Variants in NOTCH2 observed in about 807,000 individuals in gnomAD.
The protein encoded by NOTCH2 is neurogenic locus notch homolog protein 2.
In NOTCH2, 29 loss-of-function variants were observed where a neutral mutation model predicts 235.8. The ratio of observed to expected loss-of-function variants is 0.12; its 90% CI spans 0.09 to 0.17. The LOEUF is 0.17. Among genes scored for constraint, NOTCH2 ranks in the 10% least tolerant of loss-of-function variants. The pLI is 1.00. For synonymous variants in NOTCH2, 1,086 were observed against 1,141.5 expected, an observed-to-expected ratio of 0.95 and a Z score of 0.98; for missense variants, 2,285 against 3,150.2, an observed-to-expected ratio of 0.73 and a Z score of 6.57.
intron 15 of NOTCH2, 67 bp downstream of exon 15, chr1:119,950,657 G>T (rs1553197671): frequency 3.1e-6 from 3 of 979,870 alleles, no homozygotes; most frequent in African/African-American, 1.6e-5. Context: ...TGGGCACTGA[G>T]ACTCAGGCAC....
intron 4 of NOTCH2, among the ~76,000 whole-genome samples, chr1:119,988,640 C>A (rs1652110872): frequency 6.6e-6 from 1 of 152,098 alleles, no homozygotes; most frequent in South Asian, 2.1e-4. Flanking sequence ...TGCCCCTAGT[C>A]TGGTGCTCTT....
At chr1:119,996,525 G>A (rs1652457482) in intron 4 of NOTCH2, 1 of 628,334 alleles carries the variant, frequency 1.6e-6, no homozygotes, top group East Asian at 2.7e-5. Context: ...AGGGCAGCTG[G>A]GTGCATTTAG....
At chr1:119,923,572 G>C (rs1649360092) in intron 26 of NOTCH2, 65 bp downstream of exon 26, 1 of 1,340,726 alleles carries the variant, frequency 7.5e-7, no homozygotes, top group East Asian at 2.3e-5. Flanking sequence ...GTTATGACTT[G>C]TGCTATATGT....
intron 2 of NOTCH2, among the ~76,000 whole-genome samples, chr1:120,014,382 G>T (rs1653339152): frequency 6.6e-6 from 1 of 152,238 alleles, no homozygotes. Flanking sequence ...AGACAACACG[G>T]GCAACATGGT....
rs757540257 is a variant in NOTCH2 at position 119,916,522 on chromosome 1, A to G, written c.6200T>C (p.Val2067Ala). Reference sequence around the variant, plus strand: ...CACGGTGCCTGGAGGGCTTGGGGTCACATTGTATTCATCCAGAAGGCGCAC... The same window carrying G: ...CACGGTGCCTGGAGGGCTTGGGGTCGCATTGTATTCATCCAGAAGGCGCAC... ...DIVRLLDEYN[V>A]TPSPPGTVLT... The change falls in exon 34 of 34, where the codon GTG (valine) becomes GCG (alanine). Residue 2067 changes from valine to alanine, a missense_variant. Val to Ala is a moderately conservative substitution (Grantham distance 64). Around this residue, in one of 6 missense-constraint regions of NOTCH2, gnomAD observed 504 missense variants for 538.0 expected, o/e 0.94. Transcript: ENST00000256646. 3 of 1,612,874 alleles carry G rather than the reference A, an allele frequency of 1.9e-6. No homozygotes were observed. The African/African-American group carries it at 4.0e-5, about 22-fold the overall frequency.
chr1:119,934,318 C>T (rs781783197), intron 22 of NOTCH2, among the ~76,000 whole-genome samples: 1 of 152,066 alleles, frequency 6.6e-6, no homozygotes, highest in Non-Finnish European at 1.5e-5. Context: ...ATACCTCTTT[C>T]GAAAAATAAA....
At chr1:119,979,971 A>G (rs1553201447) in intron 5 of NOTCH2, among the ~76,000 whole-genome samples, 3 of 152,194 alleles carry the variant, frequency 2.0e-5, no homozygotes, top group Non-Finnish European at 4.4e-5. Context: ...AAATTATCAC[A>G]CCATGGTCTG....
chr1:119,974,368 T>C (rs1651481403), intron 5 of NOTCH2, among the ~76,000 whole-genome samples: 1 of 152,200 alleles, frequency 6.6e-6, no homozygotes, highest in African/African-American at 2.4e-5. Flanking sequence ...GGCAGTGGAC[T>C]AGTTAGGCTC....
At chr1:120,011,052 T>C (rs1351129324) in intron 2 of NOTCH2, among the ~76,000 whole-genome samples, 1 of 152,180 alleles carries the variant, frequency 6.6e-6, no homozygotes, top group African/African-American at 2.4e-5. Context: ...TTATATGAAA[T>C]GTCCAGAATA....
At chr1:119,967,750 T>C (rs1362114297) in intron 7 of NOTCH2, 129 bp from the exon 8 acceptor site, 1 of 812,410 alleles carries the variant, frequency 1.2e-6, no homozygotes, top group Non-Finnish European at 2.0e-6. Context: ...CAATTTTCTA[T>C]TTTTTTTTCC....
chr1:119,959,880 C>G (rs1650869681), intron 11 of NOTCH2, among the ~76,000 whole-genome samples: 2 of 152,184 alleles, frequency 1.3e-5, no homozygotes. Context: ...CAGTTTCACT[C>G]AAGAGTGGCT....
At chr1:119,980,444 T>C (rs1553201518) in intron 5 of NOTCH2, among the ~76,000 whole-genome samples, 1 of 152,188 alleles carries the variant, frequency 6.6e-6, no homozygotes. Flanking sequence ...AACCCTGCGT[T>C]GTGTCTCCCT....
Position 119,918,442 on chromosome 1 carries a change from T to G in NOTCH2, c.5893A>C (p.Asn1965His). 6.2e-7 allele frequency: 1 copy of G among 1,614,184 alleles called. No homozygotes were observed. The highest frequency in any genetic ancestry group is 1.1e-5 in the South Asian group (1 of 91,084). Reference sequence around the variant, plus strand: ...ACTGCATTCACATCCGCTTGGCAGTTGATCAGTTCTGCCACCATTCCCTCC... The same window carrying G: ...ACTGCATTCACATCCGCTTGGCAGTGGATCAGTTCTGCCACCATTCCCTCC... ...AVEGMVAELI[N>H]CQADVNAVDD... The change falls in exon 32 of 34, where the codon AAC becomes CAC. Residue 1965 changes from asparagine to histidine, a missense_variant. Asn to His is a moderately conservative substitution (Grantham distance 68, BLOSUM62 1). Coordinates refer to ENST00000256646, the MANE Select transcript of NOTCH2 (RefSeq NM_024408.4).
intron 15 of NOTCH2, among the ~76,000 whole-genome samples, chr1:119,949,688 T>A (rs1650395704): frequency 6.6e-6 from 1 of 152,120 alleles, no homozygotes; most frequent in African/African-American, 2.4e-5. Flanking sequence ...CCTGGCCTAC[T>A]ATTTCTTCTA....
intron 17 of NOTCH2, among the ~76,000 whole-genome samples, chr1:119,945,532 C>T (rs1650222069): frequency 6.6e-6 from 1 of 152,016 alleles, no homozygotes; most frequent in African/African-American, 2.4e-5. Flanking sequence ...TTTTTAAAAA[C>T]ACACTCTAAT....
intron 22 of NOTCH2, chr1:119,935,148 G>A (rs1481013909): frequency 8.1e-7 from 1 of 1,228,034 alleles, no homozygotes; most frequent in Non-Finnish European, 1.0e-6. Context: ...GCCATTAGTT[G>A]CTTTTCTGTG....
chr1:119,931,779 G>A (rs1390301127), intron 22 of NOTCH2, among the ~76,000 whole-genome samples: 2 of 151,674 alleles, frequency 1.3e-5, no homozygotes, highest in Non-Finnish European at 2.9e-5. Context: ...AAGTGTATAT[G>A]ATGTTGCTAA....
intron 4 of NOTCH2, among the ~76,000 whole-genome samples, chr1:119,991,863 A>G (rs1349983728): frequency 1.5e-5 from 2 of 134,220 alleles, no homozygotes; most frequent in Non-Finnish European, 3.1e-5. Context: ...AGAAAAGAAA[A>G]TGACGCATGC....
At chr1:119,950,886 T>C in intron 14 of NOTCH2, 49 bp from the exon 15 acceptor site, 1 of 1,155,536 alleles carries the variant, frequency 8.7e-7, no homozygotes, top group Non-Finnish European at 1.3e-6. Context: ...TCTGACAGCC[T>C]CATCAATTTC....
Sources: allele counts gnomAD v4.1 joint callset (sites outside exome capture counted in the v4.1 genomes callset), GRCh38; gene constraint gnomAD v4.1.1; regional missense constraint gnomAD v4.1.1; transcripts MANE v1.5; gene names NCBI Gene and HGNC (gene_info 2026-07-23, HGNC 2026-07-21).